The following MEF2A variants were observed in gnomAD, a reference collection of about 807,000 sequenced individuals.
MEF2A encodes the protein myocyte enhancer factor 2A.
In MEF2A, 28 loss-of-function variants were observed where a neutral mutation model predicts 55.8. The observed-to-expected ratio is 0.50, with a 90% confidence interval of 0.37 to 0.69. MEF2A has a LOEUF of 0.69. MEF2A is among the 30% of genes least tolerant of loss of function. MEF2A has a pLI of 0.00. For synonymous variants in MEF2A, 239 were observed against 227.1 expected (o/e 1.05, Z -0.47); for missense variants, 528 against 626.2 (o/e 0.84, Z 1.67).
At chr15:99,692,074 A>G (rs1210416020) in intron 8 of MEF2A, among the ~76,000 whole-genome samples, 1 of 152,206 alleles carries the variant, frequency 6.6e-6, no homozygotes, top group African/African-American at 2.4e-5. Flanking sequence ...GCAGTTGCTA[A>G]ACTCACCATT....
intron 4 of MEF2A, among the ~76,000 whole-genome samples, chr15:99,657,765 C>A (rs1336250608): frequency 1.3e-5 from 2 of 152,098 alleles, no homozygotes; most frequent in Non-Finnish European, 2.9e-5. Context: ...CCACTGCCTT[C>A]TCCTGCTCCC....
intron 2 of MEF2A, among the ~76,000 whole-genome samples, chr15:99,607,582 C>T (rs188741684): frequency 6.6e-6 from 1 of 151,878 alleles, no homozygotes; most frequent in Non-Finnish European, 1.5e-5. Context: ...CATTTTTTCC[C>T]CCAGTAGTTA....
At position 99,690,340 on chromosome 15, in the gene MEF2A, C is replaced by T. The variant is rs2055135601; in HGVS notation, c.770C>T (p.Pro257Leu). ...ATGCCTACAAAGTCTCCCCCTCCAC[C>T]AGGTGGTGGTAATCTTGGAATGAAC... Reference protein sequence around the residue: ...KVMPTKSPPPPGGGNLGMNSR... With the variant: ...KVMPTKSPPPLGGGNLGMNSR... The change falls in exon 8 of 12, where the codon CCA (proline) becomes CTA (leucine). Residue 257 changes from proline to leucine, a missense_variant. Physicochemically the swap from Pro to Leu is moderately conservative, Grantham distance 98 (BLOSUM62 -3). Around this residue, in one of 2 missense-constraint regions of MEF2A, gnomAD observed 450 missense variants for 475.3 expected, o/e 0.95. Coordinates refer to ENST00000557942, the MANE Select transcript of MEF2A (RefSeq NM_001319206.4). 1.9e-6 allele frequency: 3 copies of T among 1,613,582 alleles called. No individual in the cohort carries two copies. The highest frequency in any genetic ancestry group is 2.5e-6 in the Non-Finnish European group (3 of 1,179,778).
At chr15:99,571,092 G>A (rs968643387) in intron 1 of MEF2A, among the ~76,000 whole-genome samples, 6 of 151,558 alleles carry the variant, frequency 4.0e-5, no homozygotes, top group Admixed American at 2.6e-4. Flanking sequence ...GCTTAGGCAC[G>A]AGAATCGCTT....
intron 2 of MEF2A, among the ~76,000 whole-genome samples, chr15:99,632,168 A>C (rs1452683171): frequency 6.6e-6 from 1 of 152,144 alleles, no homozygotes; most frequent in African/African-American, 2.4e-5. Flanking sequence ...TAAGTCTTGA[A>C]GGAAAGCAGA....
At chr15:99,707,280 CT>C (rs1313040707) in intron 10 of MEF2A, among the ~76,000 whole-genome samples, 1 of 152,092 alleles carries the variant, frequency 6.6e-6, no homozygotes, top group Admixed American at 6.6e-5. Context: ...ACATGAATCC[CT>C]TTGGACCTGA....
intron 2 of MEF2A, among the ~76,000 whole-genome samples, chr15:99,629,990 C>T (rs1269067442): frequency 6.7e-6 from 1 of 148,750 alleles, no homozygotes; most frequent in Admixed American, 6.7e-5. Context: ...CTCCCTCCCC[C>T]ACTCTTGCCC....
intron 7 of MEF2A, among the ~76,000 whole-genome samples, chr15:99,688,265 A>T (rs547743630): frequency 1.3e-5 from 2 of 152,358 alleles, no homozygotes; most frequent in African/African-American, 2.4e-5. Context: ...TTAGGATAGT[A>T]TCAGTTGCAA....
At chr15:99,662,748 G>A (rs1386453300) in intron 4 of MEF2A, among the ~76,000 whole-genome samples, 1 of 152,146 alleles carries the variant, frequency 6.6e-6, no homozygotes, top group Non-Finnish European at 1.5e-5. Context: ...AAAGTGCTAG[G>A]ATTACAGGCA....
chr15:99,695,754 T>C (rs963153628), intron 8 of MEF2A, among the ~76,000 whole-genome samples: 4 of 151,146 alleles, frequency 2.6e-5, no homozygotes, highest in Non-Finnish European at 4.4e-5. Flanking sequence ...AGCTACTTGG[T>C]AGGCTGAGGC....
chr15:99,592,304 CTG>C (rs1182302754), intron 1 of MEF2A, among the ~76,000 whole-genome samples: 1 of 152,034 alleles, frequency 6.6e-6, no homozygotes, highest in Non-Finnish European at 1.5e-5. Flanking sequence ...TTTTATTATA[CTG>C]CTTCCTGATC....
intron 4 of MEF2A, among the ~76,000 whole-genome samples, chr15:99,655,693 G>A (rs1002078958): frequency 6.6e-6 from 1 of 152,006 alleles, no homozygotes; most frequent in Non-Finnish European, 1.5e-5. Flanking sequence ...TGAATGGAGA[G>A]GGGAGATTAA....
At chr15:99,688,162 TTA>T (rs1222978838) in intron 7 of MEF2A, among the ~76,000 whole-genome samples, 3 of 152,248 alleles carry the variant, frequency 2.0e-5, no homozygotes, top group East Asian at 3.8e-4. Context: ...TAAATGCACA[TTA>T]TATGTTTCTG....
intron 8 of MEF2A, among the ~76,000 whole-genome samples, chr15:99,699,561 C>T (rs560771201): frequency 2.0e-5 from 3 of 152,172 alleles, no homozygotes; most frequent in Admixed American, 1.3e-4. Flanking sequence ...AAAAAGATTC[C>T]GGGGGAGCCC....
intron 5 of MEF2A, chr15:99,671,774 A>G: frequency 9.1e-7 from 1 of 1,098,124 alleles, no homozygotes; most frequent in Non-Finnish European, 1.2e-6. Flanking sequence ...GAAGAAATGC[A>G]TTTTATTAGT....
At chr15:99,651,019 C>T (rs1397108101) in intron 4 of MEF2A, among the ~76,000 whole-genome samples, 4 of 152,194 alleles carry the variant, frequency 2.6e-5, no homozygotes, top group East Asian at 3.8e-4. Context: ...AGAATATCCC[C>T]TGAAATAATT....
At chr15:99,652,161 G>T (rs1352917783) in intron 4 of MEF2A, among the ~76,000 whole-genome samples, 1 of 152,172 alleles carries the variant, frequency 6.6e-6, no homozygotes, top group East Asian at 1.9e-4. Context: ...TAAAGCAGCA[G>T]TCCCCAACCT....
chr15:99,670,720 T>C (rs2050716975), intron 4 of MEF2A, among the ~76,000 whole-genome samples: 1 of 152,174 alleles, frequency 6.6e-6, no homozygotes, highest in Non-Finnish European at 1.5e-5. Context: ...TTTAAAAATA[T>C]GTAAAGTCAC....
At chr15:99,617,420 A>G (rs2040393495) in intron 2 of MEF2A, among the ~76,000 whole-genome samples, 1 of 152,178 alleles carries the variant, frequency 6.6e-6, no homozygotes, top group Non-Finnish European at 1.5e-5. Flanking sequence ...AATAGAAAAT[A>G]TAAGATGAAA....
Sources: allele counts gnomAD v4.1 joint callset (sites outside exome capture counted in the v4.1 genomes callset), GRCh38; gene constraint gnomAD v4.1.1; regional missense constraint gnomAD v4.1.1; transcripts MANE v1.5; gene names NCBI Gene and HGNC (gene_info 2026-07-23, HGNC 2026-07-21).